Variants in ARSK observed in about 807,000 individuals in gnomAD.
The protein encoded by ARSK is arylsulfatase family member K, also known as arylsulfatase K.
A neutral mutation model predicts 53.2 loss-of-function variants in ARSK; 37 were observed. That is an observed-to-expected ratio of 0.70 (90% CI 0.54 to 0.92). The LOEUF (loss-of-function observed/expected upper bound fraction) is 0.92, where lower values mean the gene tolerates loss of function less well. Ranked by LOEUF, ARSK falls within the 40% of genes least tolerant of loss-of-function variation. The pLI is 0.00. For missense variants in ARSK, 613 were observed against 643.0 expected (o/e 0.95, Z 0.51); for synonymous variants, 208 against 223.2 (o/e 0.93, Z 0.61).
chr5:95,601,334 C>T (rs983001124), intron 7 of ARSK, among the ~76,000 whole-genome samples: 3 of 152,156 alleles, frequency 2.0e-5, no homozygotes. Context: ...TCTTTCAGTA[C>T]TCATGGTTAT....
At chr5:95,573,908 A>G (rs920202429) in intron 3 of ARSK, among the ~76,000 whole-genome samples, 1 of 152,326 alleles carries the variant, frequency 6.6e-6, no homozygotes, top group African/African-American at 2.4e-5. Flanking sequence ...TATAATGTAC[A>G]ATTAAATTAT....
chr5:95,599,668 T>C (rs1431739412), intron 6 of ARSK, among the ~76,000 whole-genome samples: 1 of 152,350 alleles, frequency 6.6e-6, no homozygotes, highest in East Asian at 1.9e-4. Flanking sequence ...AAGCCACTAA[T>C]TTTGATTGGT....
intron 6 of ARSK, among the ~76,000 whole-genome samples, chr5:95,594,853 AAAAAG>A (rs1444253278): frequency 2.0e-5 from 3 of 152,170 alleles, no homozygotes; most frequent in Non-Finnish European, 2.9e-5. Flanking sequence ...CAAAAAAAAA[AAAAAG>A]AAAGAAATAG....
chr5:95,581,373 TCAAGG>T (rs1410302385), intron 3 of ARSK, among the ~76,000 whole-genome samples: 3 of 152,210 alleles, frequency 2.0e-5, no homozygotes, highest in African/African-American at 7.2e-5. Context: ...TAGCCATCTT[TCAAGG>T]CTTGAAAATC....
chr5:95,602,775 A>G (rs1330106910), intron 7 of ARSK, among the ~76,000 whole-genome samples: 1 of 152,206 alleles, frequency 6.6e-6, no homozygotes, highest in Non-Finnish European at 1.5e-5. Flanking sequence ...CTCCAAGCAT[A>G]AGATACTAAT....
chr5:95,603,307 T>A lies in ARSK; in HGVS notation c.1392T>A (p.Asp464Glu). Residue 464 changes from aspartate to glutamate, a missense_variant, in exon 8 of 8, where the codon GAT becomes GAA. Physicochemically the swap from Asp to Glu is conservative, Grantham distance 45 (BLOSUM62 2). Coordinates refer to ENST00000380009, the MANE Select transcript of ARSK (RefSeq NM_198150.3). ...VKFPEITYSL[D>E]QKLHSIINYP... ...TTCCAGAAATTACTTATTCTTTGGA[T>A]CAGAAGCTTCATTCCATTATAAACT... 6.2e-7 allele frequency: 1 copy of A among 1,607,270 alleles called. No individual in the cohort carries two copies. The highest frequency in any genetic ancestry group is 8.5e-7 in the Non-Finnish European group (1 of 1,177,030).
intron 4 of ARSK, among the ~76,000 whole-genome samples, chr5:95,584,097 C>T (rs1292290076): frequency 2.0e-5 from 3 of 152,188 alleles, no homozygotes; most frequent in African/African-American, 7.2e-5. Context: ...ATTTCACTTC[C>T]AGCCTTGTCA....
In ARSK at chr5:95,555,949, T is replaced by G. The variant is rs1355139740; in HGVS notation, c.126+545T>G. Among the ~76,000 whole-genome samples the G allele has an allele frequency of 6.6e-6, 1 of 152,252 alleles. No homozygotes were observed. The highest frequency in any genetic ancestry group is 1.9e-4 in the East Asian group (1 of 5,208). ...TCCAGAGAAATTGTGTGTATGTGTG[T>G]GTGTTGGTAATGTGGCTGAATCCCA... is the stretch of plus-strand genomic sequence containing the variant. On this transcript the variant is annotated intron_variant, in intron 1 of 7. Coordinates refer to ENST00000380009, the MANE Select transcript of ARSK (RefSeq NM_198150.3). This position sits in a 1 kb window ranked among gnomAD's most constrained non-coding sequence, Gnocchi z 4.0.
rs1428582468 is a variant in ARSK at position 95,604,900 on chromosome 5, A to G, written c.*1374A>G. 1.3e-5 allele frequency: 2 copies of G among 152,102 alleles called. No homozygotes were observed. Among genetic ancestry groups the G allele is most frequent in the South Asian group, 2.1e-4 (1 of 4,832 alleles). 9.4% of individuals were successfully genotyped at this position (152,102 alleles called of 1,614,324 possible). A position where few individuals can be genotyped will look rare whatever the true frequency, so the allele number is the denominator to read the frequency against. Reference sequence around the variant, plus strand: ...TAGCTTTTTGTAAGAGATCCTGCAAATATCTTCTTTCCAGTTTGTCATTGT... The same window carrying G: ...TAGCTTTTTGTAAGAGATCCTGCAAGTATCTTCTTTCCAGTTTGTCATTGT... On this transcript the variant is annotated 3_prime_UTR_variant, in exon 8 of 8. Coordinates refer to ENST00000380009, the MANE Select transcript of ARSK (RefSeq NM_198150.3).
At chr5:95,593,494 T>A (rs1229954874) in intron 6 of ARSK, among the ~76,000 whole-genome samples, 1 of 152,338 alleles carries the variant, frequency 6.6e-6, no homozygotes, top group East Asian at 1.9e-4. Context: ...TATTTTATAT[T>A]TGCCCACAAT....
At chr5:95,599,885 C>T (rs1749369575) in intron 6 of ARSK, among the ~76,000 whole-genome samples, 1 of 152,146 alleles carries the variant, frequency 6.6e-6, no homozygotes, top group Non-Finnish European at 1.5e-5. Context: ...TAATTTCTAA[C>T]ATTACAGATA....
chr5:95,555,373 C>A lies in ARSK; in HGVS notation c.95C>A (p.Pro32His). The part of the protein sequence containing the change: ...GEQRRRAAKA[P>H]NVVLVVSDSF... ...CAGAGGCGGAGAGCAGCCAAAGCGC[C>A]CAATGTGGTGCTGGTCGTGAGCGAC... The change falls in exon 1 of 8, where the codon CCC (proline) becomes CAC (histidine). Residue 32 changes from proline to histidine, a missense_variant. Transcript: ENST00000380009. The surrounding 1 kb of genome is among the most constrained non-coding windows in gnomAD (Gnocchi z 4.0). 6.2e-7 allele frequency: 1 copy of A among 1,610,564 alleles called. No homozygotes were observed. The highest frequency in any genetic ancestry group is 8.5e-7 in the Non-Finnish European group (1 of 1,179,156).
At chr5:95,576,921 G>A (rs1007181336) in intron 3 of ARSK, among the ~76,000 whole-genome samples, 2 of 152,122 alleles carry the variant, frequency 1.3e-5, no homozygotes, top group Admixed American at 1.3e-4. Flanking sequence ...AGGGATGATA[G>A]GCCTAACTTA....
At chr5:95,591,706 A>C in intron 6 of ARSK, 81 bp downstream of exon 6, 1 of 1,396,086 alleles carries the variant, frequency 7.2e-7, no homozygotes, top group Admixed American at 1.7e-5. Flanking sequence ...TCAGTCTTTC[A>C]GTTAGTAGTC....
Position 95,555,553 on chromosome 5 carries a change from A to G in ARSK, c.126+149A>G. On this transcript the variant is annotated intron_variant, in intron 1 of 7. Coordinates refer to ENST00000380009, the MANE Select transcript of ARSK (RefSeq NM_198150.3). This position sits in a 1 kb window ranked among gnomAD's most constrained non-coding sequence, Gnocchi z 4.0. Reference sequence around the variant, plus strand: ...CAAAGAAAGAAATACATTTTATGTGAGGCCCCGTGTACTCACACGTACACC... The same window carrying G: ...CAAAGAAAGAAATACATTTTATGTGGGGCCCCGTGTACTCACACGTACACC... 1 of 841,732 alleles carries G rather than the reference A, an allele frequency of 1.2e-6. No individual in the cohort carries two copies. Among genetic ancestry groups the G allele is most frequent in the Non-Finnish European group, 1.7e-6 (1 of 579,506 alleles). 52.1% of individuals were successfully genotyped at this position (841,732 alleles called of 1,614,324 possible). A position where few individuals can be genotyped will look rare whatever the true frequency, so the allele number is the denominator to read the frequency against.
At chr5:95,572,683 CAGG>C (rs1561362963) in intron 3 of ARSK, among the ~76,000 whole-genome samples, 1 of 152,078 alleles carries the variant, frequency 6.6e-6, no homozygotes, top group Non-Finnish European at 1.5e-5. Flanking sequence ...GAGGCTGAGG[CAGG>C]AGAATGGCGT....
At chr5:95,600,324 T>C (rs1749380667) in intron 6 of ARSK, among the ~76,000 whole-genome samples, 1 of 152,174 alleles carries the variant, frequency 6.6e-6, no homozygotes, top group Non-Finnish European at 1.5e-5. Context: ...CAGCAATAAA[T>C]TTACATCTAC....
intron 6 of ARSK, among the ~76,000 whole-genome samples, chr5:95,597,906 T>TG (rs369496135): frequency 0.012 from 1,408 of 120,916 alleles, 23 homozygotes; most frequent in East Asian, 0.029. Context: ...AAAAAAAAAG[T>TG]GGGGGGCGGG....
rs751399694 is a variant in ARSK at position 95,555,277 on chromosome 5, C to A, written c.-2C>A. 1.9e-6 allele frequency: 3 copies of A among 1,595,494 alleles called. No homozygotes were observed. The highest frequency in any genetic ancestry group is 1.7e-5 in the Admixed American group (1 of 59,752). The stretch of plus-strand genomic sequence containing the variant: ...GGCAGGCTCTCAGAACCGCTACCGG[C>A]GATGCTACTGCTGTGGGTGTCGGTG... On this transcript the variant is annotated 5_prime_UTR_variant, in exon 1 of 8. Transcript: ENST00000380009. The surrounding 1 kb of genome is among the most constrained non-coding windows in gnomAD (Gnocchi z 4.0).
Sources: gnomAD v4.1 joint callset for allele counts (sites outside exome capture counted in the v4.1 genomes callset) on GRCh38, gnomAD v4.1.1 for gene constraint, Gnocchi (gnomAD v3.1) non-coding constraint, MANE v1.5 for transcripts, NCBI Gene and HGNC (gene_info 2026-07-23, HGNC 2026-07-21) for gene names.